Variants in FBXO28 observed in about 807,000 individuals in gnomAD.
The protein encoded by FBXO28 is F-box protein 28.
FBXO28 carries 8 observed loss-of-function variants against 38.1 expected under a neutral mutation model. The ratio of observed to expected loss-of-function variants is 0.21; its 90% CI spans 0.12 to 0.38. FBXO28 has a LOEUF of 0.38. Among genes scored for constraint, FBXO28 ranks in the 10% least tolerant of loss-of-function variants. The pLI, the probability that FBXO28 is intolerant of heterozygous loss-of-function variation, is 1.00. For missense variants in FBXO28, 345 were observed against 460.6 expected, an observed-to-expected ratio of 0.75 and a Z score of 2.30; for synonymous variants, 168 against 173.8, an observed-to-expected ratio of 0.97 and a Z score of 0.26.
At chr1:224,145,356 A>G (rs1197402037) in intron 3 of FBXO28, among the ~76,000 whole-genome samples, 2 of 149,598 alleles carry the variant, frequency 1.3e-5, no homozygotes, top group Non-Finnish European at 3.0e-5. Flanking sequence ...GGTGGTTTTC[A>G]TGACCAGAAC....
chr1:224,130,419 A>T, intron 1 of FBXO28, 53 bp from the exon 2 acceptor site: 1 of 1,160,804 alleles, frequency 8.6e-7, no homozygotes, highest in Non-Finnish European at 1.3e-6. Flanking sequence ...TATGAGTCTC[A>T]GTTGTCTCTT....
At chr1:224,131,857 A>C (rs1657055943) in intron 2 of FBXO28, among the ~76,000 whole-genome samples, 1 of 152,232 alleles carries the variant, frequency 6.6e-6, no homozygotes, top group Admixed American at 6.5e-5. Flanking sequence ...CACCGTTAAG[A>C]AAATGAAAAG....
chr1:224,135,611 CAAAAAAAAAAAAAA>C (rs71168313), intron 3 of FBXO28, among the ~76,000 whole-genome samples: 4 of 110,766 alleles, frequency 3.6e-5, no homozygotes, highest in Non-Finnish European at 7.0e-5. Context: ...GACTCTGTCT[CAAAAAAAAAAAAAA>C]AAAAAAAAAA....
At chr1:224,135,928 G>T (rs1657172172) in intron 3 of FBXO28, among the ~76,000 whole-genome samples, 1 of 151,798 alleles carries the variant, frequency 6.6e-6, no homozygotes, top group African/African-American at 2.4e-5. Context: ...CCAGCTACTC[G>T]GGAGTCTCAG....
intron 4 of FBXO28, among the ~76,000 whole-genome samples, chr1:224,156,574 C>T (rs1657778939): frequency 6.6e-6 from 1 of 152,170 alleles, no homozygotes; most frequent in African/African-American, 2.4e-5. Context: ...ATGAGCATTT[C>T]CTTGAGCATC....
chr1:224,125,083 C>A (rs1298190932), intron 1 of FBXO28, among the ~76,000 whole-genome samples: 2 of 151,584 alleles, frequency 1.3e-5, no homozygotes, highest in Non-Finnish European at 2.9e-5. Context: ...TCTTTCCTTA[C>A]AATATTGCCT....
At chr1:224,124,602 C>T (rs1232064778) in intron 1 of FBXO28, among the ~76,000 whole-genome samples, 2 of 152,184 alleles carry the variant, frequency 1.3e-5, no homozygotes, top group South Asian at 2.1e-4. Flanking sequence ...ATTTGAGTTA[C>T]AAGTTAGCAT....
At position 224,161,956 on chromosome 1, in the gene FBXO28, T is replaced by G. The variant is rs150847743; in HGVS notation, c.*4210T>G. 4.6e-5 allele frequency: 7 copies of G among 152,334 alleles called. No individual in the cohort carries two copies. The East Asian group carries it at 1.3e-3, about 29-fold the overall frequency. 9.4% of individuals were successfully genotyped at this position (152,334 alleles called of 1,614,324 possible). A position where few individuals can be genotyped will look rare whatever the true frequency, so the allele number is the denominator to read the frequency against. ...AAATTACTAGTTTACCTTCTGGAAT[T>G]TTAATTGTTATAACCGAATCAATTA... is the stretch of plus-strand genomic sequence containing the variant. On this transcript the variant is annotated 3_prime_UTR_variant, in exon 5 of 5. Coordinates refer to ENST00000366862, the MANE Select transcript of FBXO28 (RefSeq NM_015176.4).
At position 224,123,811 on chromosome 1, in the gene FBXO28, A is replaced by G. The variant is rs549931276; in HGVS notation, c.268-6661A>G. Among the ~76,000 whole-genome samples the G allele has an allele frequency of 5.9e-5, 9 of 152,282 alleles. No homozygotes were observed. In the East Asian group the frequency reaches 1.2e-3, roughly 20 times the overall value. ...AATAAATAAAAATTTTTGTAAAACAATCAGTTAAGACTTGAGGCCAGGCAT... is the reference window on the plus strand; with the variant it reads ...AATAAATAAAAATTTTTGTAAAACAGTCAGTTAAGACTTGAGGCCAGGCAT... On this transcript the variant is annotated intron_variant, in intron 1 of 4. Transcript: ENST00000366862.
chr1:224,131,794 G>GA (rs1247602344), intron 2 of FBXO28, among the ~76,000 whole-genome samples: 1 of 152,188 alleles, frequency 6.6e-6, no homozygotes, highest in East Asian at 1.9e-4. Flanking sequence ...AGTAGCAAAA[G>GA]AAAAAATTAA....
chr1:224,144,285 G>A (rs1017313590), intron 3 of FBXO28, among the ~76,000 whole-genome samples: 2 of 147,276 alleles, frequency 1.4e-5, no homozygotes, highest in African/African-American at 5.0e-5. Flanking sequence ...GCAACATAGG[G>A]AGACCTCGTC....
At chr1:224,138,294 T>G (rs1477059990) in intron 3 of FBXO28, among the ~76,000 whole-genome samples, 1 of 151,856 alleles carries the variant, frequency 6.6e-6, no homozygotes, top group East Asian at 1.9e-4. Flanking sequence ...CAAACTTTTT[T>G]TGGTAAAAGG....
At chr1:224,156,480 T>C (rs556730904) in intron 4 of FBXO28, among the ~76,000 whole-genome samples, 17 of 152,278 alleles carry the variant, frequency 1.1e-4, no homozygotes, top group African/African-American at 3.6e-4. Context: ...AGATTTCGGC[T>C]TTTTTTCAGA....
At position 224,161,268 on chromosome 1, in the gene FBXO28, A is replaced by G. The variant is rs1657901254; in HGVS notation, c.*3522A>G. 1 of 152,188 alleles carries G rather than the reference A, an allele frequency of 6.6e-6. No homozygotes were observed. Among genetic ancestry groups the G allele is most frequent in the African/African-American group, 2.4e-5 (1 of 41,444 alleles). The allele number at this position is 152,188 out of a possible 1,614,324, so 9.4% of individuals were successfully genotyped here. Reference sequence around the variant, plus strand: ...TAATTTAATGTAATGTAAATCTCATACTTGGTGATCAGCACATTCTTATAT... The same window carrying G: ...TAATTTAATGTAATGTAAATCTCATGCTTGGTGATCAGCACATTCTTATAT... On this transcript the variant is annotated 3_prime_UTR_variant, in exon 5 of 5. Coordinates refer to ENST00000366862, the MANE Select transcript of FBXO28 (RefSeq NM_015176.4).
chr1:224,126,441 A>G (rs112631951), intron 1 of FBXO28, among the ~76,000 whole-genome samples: 3,663 of 152,354 alleles, frequency 0.024, 167 homozygotes, highest in African/African-American at 0.084. Flanking sequence ...CTACAGAGAC[A>G]AGAAGTGTTT....
At chr1:224,140,667 G>A (rs887210679) in intron 3 of FBXO28, among the ~76,000 whole-genome samples, 3 of 152,056 alleles carry the variant, frequency 2.0e-5, no homozygotes, top group East Asian at 1.9e-4. Context: ...ATAGCAGGCC[G>A]GGCAGGATTG....
chr1:224,154,513 A>C (rs1465232726), intron 4 of FBXO28, among the ~76,000 whole-genome samples: 1 of 152,080 alleles, frequency 6.6e-6, no homozygotes, highest in African/African-American at 2.4e-5. Context: ...TCTACTAAAA[A>C]ATACCAAAAA....
chr1:224,133,895 T>C lies in FBXO28; in HGVS notation c.378-179T>C, dbSNP rs150382500. Among the ~76,000 whole-genome samples the C allele has an allele frequency of 1.1e-3, 175 of 152,208 alleles. 1 individual carries two copies. The highest frequency in any genetic ancestry group is 7.7e-3 in the Admixed American group (118 of 15,264). On this transcript the variant is annotated intron_variant, in intron 2 of 4. Coordinates refer to ENST00000366862, the MANE Select transcript of FBXO28 (RefSeq NM_015176.4). ...TATTTTGTCAATGAGTACCAGTCTTTGGTAACGATTTCTAGGCATAGTGAT... is the reference window on the plus strand; with the variant it reads ...TATTTTGTCAATGAGTACCAGTCTTCGGTAACGATTTCTAGGCATAGTGAT...
rs767516291 is a variant in FBXO28 at position 224,157,767 on chromosome 1, C to T, written c.*21C>T. The stretch of plus-strand genomic sequence containing the variant: ...AGTAAATTGGAATGTGGTTCTAGTT[C>T]CAGAGGAAGACACAGCTTAGTAGCT... On this transcript the variant is annotated 3_prime_UTR_variant, in exon 5 of 5. Transcript: ENST00000366862. The T allele has an allele frequency of 2.5e-6, 4 of 1,576,132 alleles. No individual in the cohort carries two copies. The highest frequency in any genetic ancestry group is 3.4e-6 in the Non-Finnish European group (4 of 1,163,994).
Sources: allele counts gnomAD v4.1 joint callset (sites outside exome capture counted in the v4.1 genomes callset), GRCh38; gene constraint gnomAD v4.1.1; transcripts MANE v1.5; gene names NCBI Gene and HGNC (gene_info 2026-07-23, HGNC 2026-07-21).